The following ARB2A variants were observed in gnomAD, a reference collection of about 807,000 sequenced individuals.
ARB2A encodes ARB2 cotranscriptional regulator A.
chr5:93,862,084 T>A, the ARB2A span: 96 of 151,526 alleles, frequency 6.3e-4, no homozygotes, highest in African/African-American at 2.3e-3. Context: ...TGTTATGATT[T>A]ATTACTTCCT....
chr5:93,855,665 ATC>A, the ARB2A span, among the ~76,000 whole-genome samples: 1 of 152,110 alleles, frequency 6.6e-6, no homozygotes, highest in Non-Finnish European at 1.5e-5. Context: ...TGGTGACAAA[ATC>A]TCTCAGCATT....
the ARB2A span, among the ~76,000 whole-genome samples, chr5:93,803,783 T>G: frequency 6.6e-6 from 1 of 151,664 alleles, no homozygotes; most frequent in Non-Finnish European, 1.5e-5. Context: ...ACCCAAAATA[T>G]TTCTATGTGT....
At chr5:94,019,820 G>A in the ARB2A span, among the ~76,000 whole-genome samples, 2 of 152,128 alleles carry the variant, frequency 1.3e-5, no homozygotes, top group East Asian at 3.9e-4. Context: ...CTACTATAAA[G>A]GACATGACTT....
chr5:93,696,998 G>C, the ARB2A span, among the ~76,000 whole-genome samples: 2 of 148,990 alleles, frequency 1.3e-5, no homozygotes, highest in Admixed American at 1.3e-4. Context: ...GGAGGGAGGG[G>C]TTGCAGTGAG....
the ARB2A span, among the ~76,000 whole-genome samples, chr5:93,730,673 G>C: frequency 6.6e-6 from 1 of 152,152 alleles, no homozygotes; most frequent in Non-Finnish European, 1.5e-5. Context: ...TGACTGTTCA[G>C]TACATTAGCT....
At chr5:93,731,056 T>G in the ARB2A span, among the ~76,000 whole-genome samples, 1 of 152,160 alleles carries the variant, frequency 6.6e-6, no homozygotes, top group African/African-American at 2.4e-5. Context: ...ATTTAACTCC[T>G]TTGTAGGAAA....
chr5:94,052,245 T>C, the ARB2A span, among the ~76,000 whole-genome samples: 21 of 152,132 alleles, frequency 1.4e-4, no homozygotes, highest in Non-Finnish European at 2.5e-4. Context: ...AGAAATACAC[T>C]ACAGGCCAAT....
the ARB2A span, among the ~76,000 whole-genome samples, chr5:94,056,926 A>G: frequency 6.6e-6 from 1 of 152,178 alleles, no homozygotes; most frequent in Non-Finnish European, 1.5e-5. Context: ...AGACTTAGTA[A>G]AGCAGATTCC....
the ARB2A span, among the ~76,000 whole-genome samples, chr5:93,632,614 G>T: frequency 1.3e-5 from 2 of 152,176 alleles, no homozygotes; most frequent in Non-Finnish European, 2.9e-5. Flanking sequence ...ACACTGGCTG[G>T]TATGTAGAGA....
the ARB2A span, among the ~76,000 whole-genome samples, chr5:94,077,112 C>T: frequency 5.3e-5 from 8 of 151,968 alleles, no homozygotes; most frequent in Admixed American, 2.0e-4. Context: ...CGGTGGCTCA[C>T]GCCTGTAATC....
the ARB2A span, among the ~76,000 whole-genome samples, chr5:93,941,689 T>C: frequency 6.6e-6 from 1 of 152,204 alleles, no homozygotes; most frequent in Non-Finnish European, 1.5e-5. Flanking sequence ...ATATTTTTCA[T>C]GTAAAAATAA....
the ARB2A span, among the ~76,000 whole-genome samples, chr5:93,799,222 T>C: frequency 2.0e-5 from 3 of 152,126 alleles, no homozygotes; most frequent in East Asian, 5.8e-4. Flanking sequence ...GATGTTTGGA[T>C]AGAGAATGGG....
At chr5:93,940,804 CT>C in the ARB2A span, among the ~76,000 whole-genome samples, 1 of 152,026 alleles carries the variant, frequency 6.6e-6, no homozygotes. Context: ...AAATTACCTA[CT>C]TTATAGCTTA....
At chr5:93,640,523 T>C in the ARB2A span, among the ~76,000 whole-genome samples, 1 of 151,718 alleles carries the variant, frequency 6.6e-6, no homozygotes, top group Admixed American at 6.6e-5. Flanking sequence ...TAAATAGACA[T>C]TTCAAAACTC....
the ARB2A span, among the ~76,000 whole-genome samples, chr5:93,788,179 A>G: frequency 6.6e-6 from 1 of 152,174 alleles, no homozygotes; most frequent in African/African-American, 2.4e-5. Flanking sequence ...TATTACTATT[A>G]ACATTGTTGA....
At chr5:93,829,248 G>C in the ARB2A span, among the ~76,000 whole-genome samples, 1 of 152,206 alleles carries the variant, frequency 6.6e-6, no homozygotes, top group East Asian at 1.9e-4. Context: ...AAGACACACA[G>C]AACAGTCTCT....
At chr5:93,816,610 T>C in the ARB2A span, among the ~76,000 whole-genome samples, 1 of 152,168 alleles carries the variant, frequency 6.6e-6, no homozygotes, top group African/African-American at 2.4e-5. Context: ...ATCTACTATG[T>C]GGACACTAAG....
At chr5:93,683,692 A>G in the ARB2A span, 6 of 1,610,838 alleles carry the variant, frequency 3.7e-6, no homozygotes, top group Non-Finnish European at 5.1e-6. Context: ...CAGGGGGCTC[A>G]TGTCCATGTC....
At chr5:93,787,293 T>C in the ARB2A span, among the ~76,000 whole-genome samples, 5 of 152,204 alleles carry the variant, frequency 3.3e-5, no homozygotes, top group Non-Finnish European at 7.3e-5. Flanking sequence ...TTTGTTATAA[T>C]ATCTTCAGTG....
Sources: gnomAD v4.1 joint callset for allele counts (sites outside exome capture counted in the v4.1 genomes callset) on GRCh38, gnomAD v4.1.1 for gene constraint, MANE v1.5 for transcripts, NCBI Gene and HGNC (gene_info 2026-07-23, HGNC 2026-07-21) for gene names.